Variants in ARHGAP15 observed in about 807,000 individuals in gnomAD.
The protein encoded by ARHGAP15 is Rho GTPase activating protein 15, also known as rho GTPase-activating protein 15.
A neutral mutation model predicts 63.7 loss-of-function variants in ARHGAP15; 51 were observed. That is an observed-to-expected ratio of 0.80 (90% CI 0.64 to 1.01). The LOEUF (loss-of-function observed/expected upper bound fraction) is 1.01. ARHGAP15 is among the 50% of genes least tolerant of loss of function. ARHGAP15 has a pLI of 0.00. For synonymous variants in ARHGAP15, 191 were observed against 193.8 expected (o/e 0.99, Z 0.12); for missense variants, 560 against 564.6 (o/e 0.99, Z 0.08).
intron 12 of ARHGAP15, among the ~76,000 whole-genome samples, chr2:143,625,837 A>T (rs1007833923): frequency 6.6e-6 from 1 of 152,124 alleles, no homozygotes; most frequent in Non-Finnish European, 1.5e-5. Flanking sequence ...ATCTCCACAC[A>T]TTCAAGTGAG....
chr2:143,534,241 G>A (rs564162601), intron 10 of ARHGAP15, among the ~76,000 whole-genome samples: 8 of 152,276 alleles, frequency 5.3e-5, no homozygotes, highest in African/African-American at 1.9e-4. Flanking sequence ...TCCACCTTGA[G>A]AAGAAGGTGC....
intron 8 of ARHGAP15, among the ~76,000 whole-genome samples, chr2:143,454,018 AAAG>A (rs1488145479): frequency 1.3e-5 from 2 of 152,096 alleles, no homozygotes; most frequent in Admixed American, 1.3e-4. Context: ...ATTTAACTGA[AAAG>A]AAATTACTTA....
At chr2:143,468,659 A>AGTGT (rs778518753) in intron 8 of ARHGAP15, among the ~76,000 whole-genome samples, 1,536 of 109,734 alleles carry the variant, frequency 0.014, 14 homozygotes, top group Middle Eastern at 0.039. Context: ...AGAGAGAGAG[A>AGTGT]GAGAGTGTGT....
chr2:143,575,984 G>A (rs1291034190), intron 11 of ARHGAP15, among the ~76,000 whole-genome samples: 1 of 152,106 alleles, frequency 6.6e-6, no homozygotes, highest in East Asian at 1.9e-4. Context: ...GTGTTATTCT[G>A]ACAAAGAAGT....
intron 9 of ARHGAP15, among the ~76,000 whole-genome samples, chr2:143,503,361 C>A (rs2104939270): frequency 6.6e-6 from 1 of 152,256 alleles, no homozygotes; most frequent in Non-Finnish European, 1.5e-5. Flanking sequence ...TTTAAAAGAG[C>A]TGTATTTTAC....
intron 6 of ARHGAP15, among the ~76,000 whole-genome samples, chr2:143,299,947 G>A (rs1405890763): frequency 2.0e-5 from 3 of 152,034 alleles, no homozygotes; most frequent in Middle Eastern, 3.4e-3. Flanking sequence ...AACCAACAAA[G>A]TCTTCATTTT....
chr2:143,445,153 A>ACTTTTTTTTTTTTTTTTTTTTTTTT (rs765945989), intron 8 of ARHGAP15, among the ~76,000 whole-genome samples: 1 of 74,426 alleles, frequency 1.3e-5, no homozygotes, highest in African/African-American at 5.4e-5. Context: ...AAGAACAATT[A>ACTTTTTTTTTTTTTTTTTTTTTTTT]TTTTTTTTTT....
chr2:143,614,289 A>G (rs942646439), intron 11 of ARHGAP15, among the ~76,000 whole-genome samples: 3 of 152,184 alleles, frequency 2.0e-5, no homozygotes, highest in Admixed American at 1.3e-4. Flanking sequence ...ACCGTACTTG[A>G]TTACATTTTT....
rs920916999 is a variant in ARHGAP15, at chr2:143,420,393, G to A, written c.475-15208G>A. On this transcript the variant is annotated intron_variant, in intron 6 of 13. Coordinates refer to ENST00000295095, the MANE Select transcript of ARHGAP15 (RefSeq NM_018460.4). ...CAGCACAGAAGAATTGAGATAGCTGGGGGAATTGTATTGTGTATCTGAAGT... is the reference window on the plus strand; with the variant it reads ...CAGCACAGAAGAATTGAGATAGCTGAGGGAATTGTATTGTGTATCTGAAGT... Among the ~76,000 whole-genome samples, 12 of 152,238 alleles carry A rather than the reference G, an allele frequency of 7.9e-5. No individual in the cohort carries two copies. The East Asian group carries it at 1.7e-3, about 22-fold the overall frequency.
intron 6 of ARHGAP15, among the ~76,000 whole-genome samples, chr2:143,294,027 A>T (rs1682524519): frequency 6.6e-6 from 1 of 152,098 alleles, no homozygotes; most frequent in Non-Finnish European, 1.5e-5. Flanking sequence ...TTCTTTACTT[A>T]AAACTCTTCT....
chr2:143,627,843 T>G (rs769112102), intron 12 of ARHGAP15, among the ~76,000 whole-genome samples: 1 of 152,102 alleles, frequency 6.6e-6, no homozygotes, highest in African/African-American at 2.4e-5. Context: ...TCGACTTTTA[T>G]TTTAGATTAA....
chr2:143,542,058 A>G (rs1695089056), intron 10 of ARHGAP15, among the ~76,000 whole-genome samples: 1 of 151,886 alleles, frequency 6.6e-6, no homozygotes, highest in African/African-American at 2.4e-5. Flanking sequence ...TTGCTTACCT[A>G]CTCAAGCCTG....
In ARHGAP15 at chr2:143,580,651, T is replaced by TTATTTTAATACCTTAAAATATTTAA. The variant is rs1167245818; in HGVS notation, c.1003+24178_1003+24202dup. 6.6e-5 allele frequency among the ~76,000 whole-genome samples: 10 copies of TTATTTTAATACCTTAAAATATTTAA among 152,298 alleles called. 1 individual carries two copies. Among genetic ancestry groups the TTATTTTAATACCTTAAAATATTTAA allele is most frequent in the Middle Eastern group, 6.8e-3 (2 of 294 alleles). ...AATTTTAATATGCGTTTTATCACAA[T>TTATTTTAATACCTTAAAATATTTAA]TATTTTAATACCTTAAAATATTTAA... On this transcript the variant is annotated intron_variant, in intron 11 of 13. Coordinates refer to ENST00000295095, the MANE Select transcript of ARHGAP15 (RefSeq NM_018460.4).
chr2:143,449,761 C>T (rs1004847248), intron 8 of ARHGAP15, among the ~76,000 whole-genome samples: 1 of 151,978 alleles, frequency 6.6e-6, no homozygotes, highest in South Asian at 2.1e-4. Flanking sequence ...ATTTCACTTA[C>T]TGGGAAGAAC....
intron 2 of ARHGAP15, among the ~76,000 whole-genome samples, chr2:143,165,668 T>C (rs1467616135): frequency 6.6e-6 from 1 of 152,062 alleles, no homozygotes; most frequent in Non-Finnish European, 1.5e-5. Context: ...ACAAATAAGC[T>C]TAGCTCAGGT....
chr2:143,196,050 G>T (rs1234433420), intron 2 of ARHGAP15, among the ~76,000 whole-genome samples: 1 of 152,020 alleles, frequency 6.6e-6, no homozygotes, highest in African/African-American at 2.4e-5. Flanking sequence ...TCTTTTTGGA[G>T]AAAAAGATAT....
intron 5 of ARHGAP15, among the ~76,000 whole-genome samples, chr2:143,238,708 A>T (rs1309921699): frequency 6.6e-6 from 1 of 152,206 alleles, no homozygotes. Context: ...TACCCAAAGG[A>T]ATATCAATCA....
intron 12 of ARHGAP15, among the ~76,000 whole-genome samples, chr2:143,666,014 A>T (rs1201342534): frequency 6.6e-6 from 1 of 151,026 alleles, no homozygotes; most frequent in African/African-American, 2.4e-5. Context: ...TACAGATTCA[A>T]TGCCAACCCC....
chr2:143,260,054 CAAAAA>C (rs947133658), intron 6 of ARHGAP15, among the ~76,000 whole-genome samples: 1 of 151,780 alleles, frequency 6.6e-6, no homozygotes, highest in Non-Finnish European at 1.5e-5. Flanking sequence ...TTTAGAATGT[CAAAAA>C]AGAAAATGTA....
Sources: allele counts gnomAD v4.1 joint callset (sites outside exome capture counted in the v4.1 genomes callset), GRCh38; gene constraint gnomAD v4.1.1; transcripts MANE v1.5; gene names NCBI Gene and HGNC (gene_info 2026-07-23, HGNC 2026-07-21).